The following WWC2 variants were observed in gnomAD, a reference collection of about 807,000 sequenced individuals.
The protein encoded by WWC2 is WW and C2 domain containing 2.
In WWC2, 101 loss-of-function variants were observed where a neutral mutation model predicts 138.5. The ratio of observed to expected loss-of-function variants is 0.73; its 90% CI spans 0.62 to 0.86. The LOEUF is 0.86. WWC2 is among the 40% of genes least tolerant of loss of function. The probability of loss-of-function intolerance (pLI) is 0.00; values close to 1 mark genes in which losing one functional copy is unlikely to be tolerated. For synonymous variants in WWC2, 558 were observed against 538.4 expected (o/e 1.04, Z -0.50); for missense variants, 1,420 against 1,419.4 (o/e 1.00, Z -0.01).
At chr4:183,124,088 T>G (rs1732685995) in intron 1 of WWC2, among the ~76,000 whole-genome samples, 1 of 152,196 alleles carries the variant, frequency 6.6e-6, no homozygotes. Context: ...ATCTTGTACT[T>G]TTTCTGGGAA....
At chr4:183,178,581 TAA>T (rs75621020) in intron 1 of WWC2, among the ~76,000 whole-genome samples, 60 of 129,790 alleles carry the variant, frequency 4.6e-4, no homozygotes, top group Non-Finnish European at 6.7e-4. Flanking sequence ...CCAGTCTCTT[TAA>T]AAAAAAAAAA....
intron 4 of WWC2, among the ~76,000 whole-genome samples, chr4:183,233,424 T>G (rs1560857014): frequency 6.6e-6 from 1 of 152,118 alleles, no homozygotes; most frequent in Non-Finnish European, 1.5e-5. Context: ...CCCAAAGTGC[T>G]GGGATTATAG....
intron 15 of WWC2, among the ~76,000 whole-genome samples, 157 bp from the exon 16 acceptor site, chr4:183,270,923 A>T (rs1172813444): frequency 3.3e-5 from 5 of 152,184 alleles, no homozygotes; most frequent in Non-Finnish European, 7.3e-5. Flanking sequence ...CCCATGTTTT[A>T]AAAAATCCAG....
At chr4:183,195,374 A>G (rs546174354) in intron 2 of WWC2, among the ~76,000 whole-genome samples, 1 of 152,300 alleles carries the variant, frequency 6.6e-6, no homozygotes, top group East Asian at 1.9e-4. Flanking sequence ...TGAGAAAAGA[A>G]ATCCTCTTAG....
intron 1 of WWC2, among the ~76,000 whole-genome samples, chr4:183,183,165 T>G (rs1303121279): frequency 6.6e-6 from 1 of 152,184 alleles, no homozygotes; most frequent in Non-Finnish European, 1.5e-5. Flanking sequence ...GGAATTAACA[T>G]TTTTAAAAAT....
intron 2 of WWC2, among the ~76,000 whole-genome samples, chr4:183,200,051 C>CCTT (rs1253183847): frequency 1.3e-5 from 2 of 152,110 alleles, no homozygotes; most frequent in African/African-American, 4.8e-5. Flanking sequence ...GCTTTGGGAA[C>CCTT]CCTCTTTTGT....
At chr4:183,194,985 A>C (rs1020255313) in intron 2 of WWC2, among the ~76,000 whole-genome samples, 7 of 152,206 alleles carry the variant, frequency 4.6e-5, no homozygotes, top group African/African-American at 1.7e-4. Context: ...AAAGTTTCTG[A>C]AAGTTCTATG....
At chr4:183,251,023 C>T (rs1394956253) in intron 8 of WWC2, among the ~76,000 whole-genome samples, 1 of 152,166 alleles carries the variant, frequency 6.6e-6, no homozygotes, top group Non-Finnish European at 1.5e-5. Context: ...TGAAAGAAAC[C>T]TAAGCTTCAT....
chr4:183,115,936 T>C (rs781570063), intron 1 of WWC2, among the ~76,000 whole-genome samples: 4 of 152,328 alleles, frequency 2.6e-5, no homozygotes, highest in Non-Finnish European at 5.9e-5. Context: ...CAGAATGGTA[T>C]TTCCTAGGTT....
chr4:183,200,521 A>G (rs552302998), intron 2 of WWC2, among the ~76,000 whole-genome samples: 1 of 152,264 alleles, frequency 6.6e-6, no homozygotes, highest in South Asian at 2.1e-4. Context: ...TCTGTGGGCC[A>G]TGAATCTAGG....
At chr4:183,315,485 C>G (rs987038688) in intron 22 of WWC2, among the ~76,000 whole-genome samples, 178 bp from the exon 23 acceptor site, 2 of 151,656 alleles carry the variant, frequency 1.3e-5, no homozygotes, top group Admixed American at 1.3e-4. Context: ...CTTGATACCC[C>G]CCCTTTAAGC....
At position 183,265,911 on chromosome 4, in the gene WWC2, C is replaced by T. The variant is rs772472154; in HGVS notation, c.2167C>T (p.Arg723Ter). 13 of 1,613,376 alleles carry T rather than the reference C, an allele frequency of 8.1e-6. No homozygotes were observed. Among genetic ancestry groups the T allele is most frequent in the South Asian group, 2.2e-5 (2 of 90,836 alleles). Residue 723 changes from arginine (R) to a stop codon, truncating the protein, a stop_gained, in exon 14 of 23, where the codon CGA becomes TGA. Transcript: ENST00000403733. LOFTEE classifies it high-confidence loss of function. ...SSFMVIIAQL[R>*]NLHAFLIPHT... ...TTTCATGGTGATTATAGCACAGCTC[C>T]GAAACCTTCATGCCTTCTTGATACC...
Position 183,317,194 on chromosome 4 carries a change from C to T in WWC2, c.*1465C>T, listed in dbSNP as rs1232615294. 1.3e-5 allele frequency: 2 copies of T among 151,890 alleles called. No homozygotes were observed. Among genetic ancestry groups the T allele is most frequent in the East Asian group, 3.9e-4 (2 of 5,176 alleles). 9.4% of individuals were successfully genotyped at this position (151,890 alleles called of 1,614,324 possible). ...AAGAAAAAAAAAAAAAGTTTTGTTC[C>T]TCAGTTAGAATGCTCACTAGCTCAC... On this transcript the variant is annotated 3_prime_UTR_variant, in exon 23 of 23. Coordinates refer to ENST00000403733, the MANE Select transcript of WWC2 (RefSeq NM_024949.6).
In WWC2 at chr4:183,271,213, A is replaced by G. The variant is rs202018996; in HGVS notation, c.2534A>G (p.Asn845Ser). 7.0e-5 allele frequency: 112 copies of G among 1,608,266 alleles called. No homozygotes were observed. In the African/African-American group the frequency reaches 1.3e-3, roughly 19 times the overall value. Residue 845 changes from asparagine (N) to serine (S), a missense_variant, in exon 16 of 23, where the codon AAC (asparagine) becomes AGC (serine). Transcript: ENST00000403733. ...AATGAGGACTCTGTATTTCAACCAA[A>G]CCAGCCGTTAGTAGATTCTATAGAC... ...EENEDSVFQP[N>S]QPLVDSIDLD...
chr4:183,280,240 T>TG (rs1476507161), intron 16 of WWC2, among the ~76,000 whole-genome samples: 6 of 147,332 alleles, frequency 4.1e-5, no homozygotes, highest in African/African-American at 1.3e-4. Flanking sequence ...TTTTTTTTTT[T>TG]TTTTTTTTTT....
At chr4:183,177,565 A>G (rs751513856) in intron 1 of WWC2, among the ~76,000 whole-genome samples, 7 of 152,168 alleles carry the variant, frequency 4.6e-5, no homozygotes, top group Non-Finnish European at 5.9e-5. Context: ...TCCTCTTCTT[A>G]ATAAATACAT....
chr4:183,222,196 A>G (rs1165943326), intron 4 of WWC2, among the ~76,000 whole-genome samples: 3 of 152,152 alleles, frequency 2.0e-5, no homozygotes, highest in Admixed American at 6.5e-5. Context: ...GTACATGATT[A>G]TATATACTTG....
chr4:183,140,879 C>CAAATTTT (rs113038235), intron 1 of WWC2, among the ~76,000 whole-genome samples: 7,383 of 152,248 alleles, frequency 0.048, 609 homozygotes, highest in African/African-American at 0.17. Context: ...TGCCTGATTT[C>CAAATTTT]CACCAATCTG....
chr4:183,309,822 T>G (rs1209844807), intron 21 of WWC2, among the ~76,000 whole-genome samples: 1 of 152,224 alleles, frequency 6.6e-6, no homozygotes, highest in Non-Finnish European at 1.5e-5. Context: ...CAAGATGTCC[T>G]TCAGTAGGTG....
Sources: allele counts gnomAD v4.1 joint callset (sites outside exome capture counted in the v4.1 genomes callset), GRCh38; gene constraint gnomAD v4.1.1; transcripts MANE v1.5; gene names NCBI Gene and HGNC (gene_info 2026-07-23, HGNC 2026-07-21).